DST: variants seen among roughly 807,000 people sequenced by gnomAD.
The protein encoded by DST is dystonin.
In DST, 253 loss-of-function variants were observed where a neutral mutation model predicts 875.2. The ratio of observed to expected loss-of-function variants is 0.29; its 90% CI spans 0.26 to 0.32. DST has a LOEUF of 0.32. Ranked by LOEUF, DST falls within the 10% of genes least tolerant of loss-of-function variation. The pLI, the probability that DST is intolerant of heterozygous loss-of-function variation, is 1.00. For synonymous variants in DST, 3,124 were observed against 3,197.1 expected, an observed-to-expected ratio of 0.98 and a Z score of 0.77; for missense variants, 8,287 against 9,111.6, an observed-to-expected ratio of 0.91 and a Z score of 3.68.
At chr6:56,570,981 A>T (rs907647164) in intron 53 of DST, among the ~76,000 whole-genome samples, 1 of 152,200 alleles carries the variant, frequency 6.6e-6, no homozygotes, top group African/African-American at 2.4e-5. Context: ...TTATGGATGG[A>T]TAAACTGCTG....
chr6:56,949,720 CG>C (rs968365812), intron 2 of DST, among the ~76,000 whole-genome samples: 2 of 152,122 alleles, frequency 1.3e-5, no homozygotes, highest in African/African-American at 4.8e-5. Context: ...AGACCTAAAA[CG>C]TAACTCTAGA....
chr6:56,541,758 T>A (rs889940885), intron 61 of DST, among the ~76,000 whole-genome samples: 2 of 152,174 alleles, frequency 1.3e-5, no homozygotes, highest in African/African-American at 4.8e-5. Flanking sequence ...TCAGTATAAA[T>A]GCAACTATCC....
chr6:56,843,076 C>G (rs766152577), intron 4 of DST: 2 of 1,555,132 alleles, frequency 1.3e-6, no homozygotes, highest in Admixed American at 1.7e-5. Context: ...TCCAGGACAT[C>G]CTCGTAGGCC....
At chr6:56,954,275 G>A in intron 1 of DST, 132 bp downstream of exon 1, 2 of 556,846 alleles carry the variant, frequency 3.6e-6, no homozygotes, top group Non-Finnish European at 5.7e-6. Context: ...TTAAAGAAAC[G>A]CACTCAGCCT....
intron 4 of DST, among the ~76,000 whole-genome samples, chr6:56,808,087 T>A (rs976795547): frequency 5.9e-5 from 9 of 152,174 alleles, no homozygotes; most frequent in Non-Finnish European, 1.2e-4. Flanking sequence ...ATCAGGCACC[T>A]TGGAGTTTGT....
intron 5 of DST, among the ~76,000 whole-genome samples, chr6:56,727,128 T>A (rs2152920789): frequency 6.6e-6 from 1 of 152,290 alleles, no homozygotes; most frequent in South Asian, 2.1e-4. Flanking sequence ...TAAATGCATA[T>A]CTCATTGCCT....
At position 56,650,997 on chromosome 6, in the gene DST, T is replaced by C. The variant is rs1260539497; in HGVS notation, c.1363A>G (p.Ile455Val). 4.3e-6 allele frequency: 7 copies of C among 1,612,956 alleles called. No individual in the cohort carries two copies. Among genetic ancestry groups the C allele is most frequent in the Non-Finnish European group, 5.9e-6 (7 of 1,179,294 alleles). The change falls in exon 12 of 104, where the codon ATA becomes GTA. Residue 455 changes from isoleucine to valine, a missense_variant. Ile to Val is a conservative substitution (Grantham distance 29). Transcript: ENST00000680361. ...DVSSPDEKSV[I>V]TYVSSLYDAF... The stretch of plus-strand genomic sequence containing the variant: ...TCATAGAGAGATGACACGTAAGTTA[T>C]TACTGATTTTTCATCAGGTGAGGAG...
chr6:56,697,711 A>C (rs1297769178), intron 9 of DST, among the ~76,000 whole-genome samples: 1 of 152,174 alleles, frequency 6.6e-6, no homozygotes, highest in East Asian at 1.9e-4. Context: ...CAAAATTCAG[A>C]CACAGCCTAC....
At chr6:56,518,280 T>C (rs1004939219) in intron 69 of DST, among the ~76,000 whole-genome samples, 1 of 152,130 alleles carries the variant, frequency 6.6e-6, no homozygotes, top group Non-Finnish European at 1.5e-5. Flanking sequence ...ACAGTACAAA[T>C]TCATAAAGCA....
At chr6:56,843,012 G>C (rs748115557) in intron 4 of DST, 9 of 1,374,880 alleles carry the variant, frequency 6.5e-6, no homozygotes, top group Non-Finnish European at 8.6e-6. Flanking sequence ...TTGCCTCTCT[G>C]ATCAGTGCCA....
intron 49 of DST, among the ~76,000 whole-genome samples, chr6:56,585,932 T>C (rs1216776980): frequency 1.3e-5 from 2 of 152,242 alleles, no homozygotes; most frequent in Non-Finnish European, 2.9e-5. Context: ...TCCTGAGCTC[T>C]AGTTTGATTG....
At chr6:56,614,796 T>C (rs2098596309) in intron 36 of DST, 26 of 1,017,308 alleles carry the variant, frequency 2.6e-5, no homozygotes, top group Non-Finnish European at 3.1e-5. Context: ...TTTGAATTGC[T>C]GCCTTTGCAT....
intron 3 of DST, among the ~76,000 whole-genome samples, chr6:56,884,893 T>C (rs1229714775): frequency 6.6e-6 from 1 of 152,150 alleles, no homozygotes; most frequent in Non-Finnish European, 1.5e-5. Flanking sequence ...CACGCCAGGC[T>C]AATTTTTTTT....
Position 56,725,721 on chromosome 6 carries a change from C to A in DST, c.687+9507G>T, listed in dbSNP as rs190166215. 1.4e-3 allele frequency among the ~76,000 whole-genome samples: 214 copies of A among 152,242 alleles called. 1 individual carries two copies. The highest frequency in any genetic ancestry group is 4.9e-3 in the African/African-American group (204 of 41,544). The stretch of plus-strand genomic sequence containing the variant: ...ATTAAATAAGATCTAGAGGGCTAGC[C>A]TGAGAACAAGACCAGTTCTTGTTCT... On this transcript the variant is annotated intron_variant, in intron 5 of 103. Coordinates refer to ENST00000680361, the MANE Select transcript of DST (RefSeq NM_001374736.1).
Position 56,699,643 on chromosome 6 carries a change from T to C in DST, c.1047+10A>G, listed in dbSNP as rs2099284339. On this transcript the variant is annotated intron_variant, in intron 9 of 103. Transcript: ENST00000680361. ...AATTAGATGCTGAAATTAAGAAAATTTGGGCTTACCTGAAAGTGCAAAATT... is the reference window on the plus strand; with the variant it reads ...AATTAGATGCTGAAATTAAGAAAATCTGGGCTTACCTGAAAGTGCAAAATT... The C allele has an allele frequency of 2.1e-6, 3 of 1,459,248 alleles. No homozygotes were observed. Among genetic ancestry groups the C allele is most frequent in the Non-Finnish European group, 1.9e-6 (2 of 1,080,740 alleles). The allele number at this position is 1,459,248 out of a possible 1,614,324, so 90.4% of individuals were successfully genotyped here.
At chr6:56,875,420 T>C (rs1222023062) in intron 3 of DST, among the ~76,000 whole-genome samples, 2 of 152,252 alleles carry the variant, frequency 1.3e-5, no homozygotes, top group African/African-American at 4.8e-5. Flanking sequence ...TTGAAAAATA[T>C]ATTTTGTTAA....
At chr6:56,684,920 C>T (rs1197840959) in intron 9 of DST, among the ~76,000 whole-genome samples, 1 of 152,180 alleles carries the variant, frequency 6.6e-6, no homozygotes, top group Non-Finnish European at 1.5e-5. Context: ...CTCACATGAA[C>T]TGGATGTCAG....
At chr6:56,549,404 T>TA (rs1411996607) in intron 61 of DST, among the ~76,000 whole-genome samples, 1 of 152,168 alleles carries the variant, frequency 6.6e-6, no homozygotes, top group Non-Finnish European at 1.5e-5. Context: ...TCATTCCATT[T>TA]AAAAAATTTA....
chr6:56,571,229 T>C (rs1478366710), intron 53 of DST, among the ~76,000 whole-genome samples: 1 of 152,234 alleles, frequency 6.6e-6, no homozygotes, highest in African/African-American at 2.4e-5. Context: ...TACTGGCAGA[T>C]AAGAATGCAC....
Sources: allele counts gnomAD v4.1 joint callset (sites outside exome capture counted in the v4.1 genomes callset), GRCh38; gene constraint gnomAD v4.1.1; transcripts MANE v1.5; gene names NCBI Gene and HGNC (gene_info 2026-07-23, HGNC 2026-07-21).